The following SBF1 variants were observed in gnomAD, a reference collection of about 807,000 sequenced individuals.
SBF1 encodes myotubularin-related protein 5.
A neutral mutation model predicts 215.8 loss-of-function variants in SBF1; 65 were observed. The observed-to-expected ratio is 0.30, with a 90% CI of 0.25 to 0.37. The LOEUF (loss-of-function observed/expected upper bound fraction) is 0.37. SBF1 is among the 10% of genes least tolerant of loss of function. The pLI, the probability that SBF1 is intolerant of heterozygous loss-of-function variation, is 1.00. For synonymous variants in SBF1, 1,410 were observed against 1,122.8 expected (o/e 1.26, Z -5.11); for missense variants, 2,634 against 2,667.8 (o/e 0.99, Z 0.28).
chr22:50,456,304 A>T lies in SBF1; in HGVS notation c.4178T>A (p.Leu1393Gln). 6.2e-7 allele frequency: 1 copy of T among 1,613,068 alleles called. No individual in the cohort carries two copies. The highest frequency in any genetic ancestry group is 2.2e-5 in the East Asian group (1 of 44,886). The change falls in exon 31 of 41, where the codon CTG becomes CAG. Residue 1393 changes from leucine to glutamine, a missense_variant. Coordinates refer to ENST00000380817, the MANE Select transcript of SBF1 (RefSeq NM_002972.4). ...RQVKASFKKL[L>Q]KACVPGCPAA... ...GGGGCAGCCTGGGACACATGCTTTC[A>T]GCAGCTTCTTGAAGCTAGCCTTCAC...
intron 16 of SBF1, 83 bp from the exon 17 acceptor site, chr22:50,463,021 C>A: frequency 7.4e-7 from 1 of 1,358,726 alleles, no homozygotes; most frequent in Non-Finnish European, 1.0e-6. Flanking sequence ...CACCCCATAA[C>A]CACCACAGAC....
chr22:50,456,297 T>A lies in SBF1; in HGVS notation c.4185A>T (p.Ala1395=), dbSNP rs371662879. Residue 1395 remains alanine, a synonymous_variant, in exon 31 of 41, where the codon GCA becomes GCT. Transcript: ENST00000380817. ...CAGCAGCGGGGCAGCCTGGGACACA[T>A]GCTTTCAGCAGCTTCTTGAAGCTAG... ...VKASFKKLLK[A]CVPGCPAAEP... The A allele has an allele frequency of 3.1e-6, 5 of 1,612,884 alleles. No homozygotes were observed. In the African/African-American group the frequency reaches 5.3e-5, roughly 17 times the overall value.
Position 50,461,241 on chromosome 22 carries a change from G to C in SBF1, c.2885C>G (p.Thr962Ser). 1 of 1,613,364 alleles carries C rather than the reference G, an allele frequency of 6.2e-7. No homozygotes were observed. Among genetic ancestry groups the C allele is most frequent in the South Asian group, 1.1e-5 (1 of 91,050 alleles). Reference sequence around the variant, plus strand: ...CTGGACGCTGATGCGCTTCTCCTTGGTCAGCGCAGCCACCGGGAAGGAGCG... The same window carrying C: ...CTGGACGCTGATGCGCTTCTCCTTGCTCAGCGCAGCCACCGGGAAGGAGCG... ...VVRSFPVAAL[T>S]KEKRISVQTP... The change falls in exon 23 of 41, where the codon ACC becomes AGC. Residue 962 changes from threonine (T) to serine (S), a missense_variant. Thr to Ser is a moderately conservative substitution (Grantham distance 58). Transcript: ENST00000380817.
intron 26 of SBF1, 45 bp downstream of exon 26, chr22:50,459,907 C>A: frequency 6.3e-7 from 1 of 1,589,972 alleles, no homozygotes. Flanking sequence ...GGGAAGACAC[C>A]CAGTCACGTG....
intron 27 of SBF1, 35 bp downstream of exon 27, chr22:50,459,435 G>T (rs763352220): frequency 6.2e-7 from 1 of 1,611,940 alleles, no homozygotes; most frequent in African/African-American, 1.3e-5. Context: ...GGTGAGATAG[G>T]GCAGGGCAGG....
Position 50,464,460 on chromosome 22 carries a change from C to T in SBF1, c.1637-19G>A, listed in dbSNP as rs775212332. On this transcript the variant is annotated intron_variant, in intron 14 of 40. Transcript: ENST00000380817. ...ATGGCAGCTGCGGGGACAGAATACA[C>T]ACACTCGGACCCCTGACCCCACGCC... 1 of 1,608,864 alleles carries T rather than the reference C, an allele frequency of 6.2e-7. No homozygotes were observed. Among genetic ancestry groups the T allele is most frequent in the South Asian group, 1.1e-5 (1 of 90,736 alleles).
chr22:50,447,620 A>G lies in SBF1; in HGVS notation c.5364-11T>C, dbSNP rs1337498141. On this transcript the variant is annotated splice_polypyrimidine_tract_variant and intron_variant, in intron 38 of 40. Transcript: ENST00000380817. ...GTGCCCTCGTAGGACCTGCATTTCC[A>G]GCAGAACCAGGGCCAGGCTGACCGT... 1.9e-6 allele frequency: 3 copies of G among 1,599,032 alleles called. No individual in the cohort carries two copies. Among genetic ancestry groups the G allele is most frequent in the Non-Finnish European group, 2.6e-6 (3 of 1,171,106 alleles).
chr22:50,457,913 G>A (rs1426273265), intron 28 of SBF1, among the ~76,000 whole-genome samples: 1 of 152,232 alleles, frequency 6.6e-6, no homozygotes, highest in East Asian at 1.9e-4. Context: ...TGTGTCCTCT[G>A]ACGGCTGCCA....
chr22:50,470,038 G>C (rs1489022649), intron 1 of SBF1, among the ~76,000 whole-genome samples: 4 of 151,960 alleles, frequency 2.6e-5, no homozygotes, highest in Admixed American at 2.6e-4. Flanking sequence ...CGGCAGACGG[G>C]TGGGGGCCCA....
Position 50,464,902 on chromosome 22 carries a change from C to T in SBF1, c.1348G>A (p.Val450Met). The T allele has an allele frequency of 1.9e-6, 3 of 1,613,790 alleles. No homozygotes were observed. Among genetic ancestry groups the T allele is most frequent in the African/African-American group, 2.7e-5 (2 of 75,066 alleles). Residue 450 changes from valine to methionine, a missense_variant, in exon 13 of 41, where the codon GTG (valine) becomes ATG (methionine). Transcript: ENST00000380817. ...TTCTCATCCGCCCGCATCCTTGCCA[C>T]CTCGTGGGCCACCAGCTAGCGGGGT... ...DLFDELVAHEVARMRADENHP... is the reference protein window; with the variant it reads ...DLFDELVAHEMARMRADENHP...
chr22:50,463,798 T>C (rs1019774720), intron 15 of SBF1, among the ~76,000 whole-genome samples: 4 of 152,186 alleles, frequency 2.6e-5, no homozygotes, highest in Admixed American at 1.3e-4. Context: ...TGCGTTCTAT[T>C]GCTACAACGT....
At chr22:50,450,524 A>G (rs1224394491) in intron 36 of SBF1, among the ~76,000 whole-genome samples, 1 of 152,020 alleles carries the variant, frequency 6.6e-6, no homozygotes, top group African/African-American at 2.4e-5. Flanking sequence ...CTGCCTCAAA[A>G]AAAAAAAAAC....
Position 50,466,469 on chromosome 22 carries a change from CA to C in SBF1, c.668del (p.Val223GlyfsTer80). 6.5e-7 allele frequency: 1 copy of C among 1,547,970 alleles called. No homozygotes were observed. The highest frequency in any genetic ancestry group is 8.7e-7 in the Non-Finnish European group (1 of 1,144,252). Reference sequence around the variant, plus strand: ...TGAGGGCGGCACAGAACAAAGACAGCACGTTGGTGATGCCTAAAGGAAGAAG... The same window carrying C: ...TGAGGGCGGCACAGAACAAAGACAGCCGTTGGTGATGCCTAAAGGAAGAAG... The part of the protein sequence containing the change: ...LLFRQLGITN[V>X]LSLFCAALTE... On this transcript the variant is annotated frameshift_variant, in exon 7 of 41. Transcript: ENST00000380817. LOFTEE classifies it high-confidence loss of function.
rs2067674133 is a variant in SBF1 at position 50,464,747 on chromosome 22, A to AGACGGCAGGTGTGGGGC, written c.1432-26_1432-10dup. 6.2e-7 allele frequency: 1 copy of AGACGGCAGGTGTGGGGC among 1,607,896 alleles called. No individual in the cohort carries two copies. The highest frequency in any genetic ancestry group is 1.7e-5 in the Admixed American group (1 of 59,814). On this transcript the variant is annotated splice_polypyrimidine_tract_variant and intron_variant, in intron 13 of 40. Transcript: ENST00000380817. ...GCTGGGTACGGGTTCTCCTGTGGGG[A>AGACGGCAGGTGTGGGGC]GACGGCAGGTGTGGGGCAGGGGCCC...
At position 50,466,020 on chromosome 22, in the gene SBF1, C is replaced by T. The variant is rs1240431018; in HGVS notation, c.952G>A (p.Val318Met). 1 of 1,613,984 alleles carries T rather than the reference C, an allele frequency of 6.2e-7. No homozygotes were observed. The highest frequency in any genetic ancestry group is 8.5e-7 in the Non-Finnish European group (1 of 1,180,046). ...DGGTVTIPEC[V>M]HIPPLPEPLQ... ...GGCTCTGGCAAGGGTGGAATGTGCA[C>T]ACACTCAGGAATGGTGACCGTCCCT... The change falls in exon 9 of 41, where the codon GTG becomes ATG. Residue 318 changes from valine (V) to methionine (M), a missense_variant. Physicochemically the swap from Val to Met is conservative, Grantham distance 21. Coordinates refer to ENST00000380817, the MANE Select transcript of SBF1 (RefSeq NM_002972.4).
intron 15 of SBF1, among the ~76,000 whole-genome samples, 165 bp downstream of exon 15, chr22:50,464,164 G>A (rs1018327658): frequency 6.6e-6 from 1 of 152,212 alleles, no homozygotes; most frequent in African/African-American, 2.4e-5. Context: ...GGTCAAGAGA[G>A]GAGACCTGGA....
Position 50,461,717 on chromosome 22 carries a change from G to A in SBF1, c.2645C>T (p.Pro882Leu), listed in dbSNP as rs752885374. The A allele has an allele frequency of 6.2e-7, 1 of 1,609,364 alleles. No individual in the cohort carries two copies. Among genetic ancestry groups the A allele is most frequent in the Non-Finnish European group, 8.5e-7 (1 of 1,178,260 alleles). Reference protein sequence around the residue: ...ESRRLPPIQKPKLLRPRLLPG... With the variant: ...ESRRLPPIQKLKLLRPRLLPG... ...CAGCAGGCGCGGCCGCAGCAGCTTG[G>A]GCTGCTCGAAAACAAGAGCAGGAGC... The change falls in exon 22 of 41, where the codon CCC becomes CTC. Residue 882 changes from proline to leucine, a missense_variant and splice_region_variant. Physicochemically the swap from Pro to Leu is moderately conservative, Grantham distance 98. Coordinates refer to ENST00000380817, the MANE Select transcript of SBF1 (RefSeq NM_002972.4).
intron 29 of SBF1, 41 bp from the exon 30 acceptor site, chr22:50,456,714 G>A: frequency 1.4e-6 from 2 of 1,431,658 alleles, no homozygotes; most frequent in Non-Finnish European, 1.8e-6. Flanking sequence ...AGGGGGCCAG[G>A]GCACCACTTA....
In SBF1 at chr22:50,466,149, C is replaced by CCAGCT; in HGVS notation, c.893_897dup (p.Leu300SerfsTer5). Reference sequence around the variant, plus strand: ...AGGTGGACACAAAGCACAGCCCTTACCAGCTCCTGGGTCTCTGCCTGGAAG... The same window carrying CCAGCT: ...AGGTGGACACAAAGCACAGCCCTTACCAGCTCAGCTCCTGGGTCTCTGCCTGGAAG... On this transcript the variant is annotated frameshift_variant and splice_region_variant. Coordinates refer to ENST00000380817, the MANE Select transcript of SBF1 (RefSeq NM_002972.4). LOFTEE classifies it high-confidence loss of function. 1 of 1,613,658 alleles carries CCAGCT rather than the reference C, an allele frequency of 6.2e-7. No homozygotes were observed. The highest frequency in any genetic ancestry group is 8.5e-7 in the Non-Finnish European group (1 of 1,180,004).
Sources: gnomAD v4.1 joint callset for allele counts (sites outside exome capture counted in the v4.1 genomes callset) on GRCh38, gnomAD v4.1.1 for gene constraint, MANE v1.5 for transcripts, NCBI Gene and HGNC (gene_info 2026-07-23, HGNC 2026-07-21) for gene names.